CTNNA3: variants seen among roughly 807,000 people sequenced by gnomAD.
The protein encoded by CTNNA3 is catenin alpha-3.
Under a neutral mutation model 95.7 loss-of-function variants are expected in CTNNA3, and 76 were observed. That is an observed-to-expected ratio of 0.79 (90% confidence interval 0.66 to 0.96). CTNNA3 has a LOEUF of 0.96. Ranked by LOEUF, CTNNA3 falls within the 40% of genes least tolerant of loss-of-function variation. The pLI is 0.00. For synonymous variants in CTNNA3, 431 were observed against 374.4 expected, an observed-to-expected ratio of 1.15 and a Z score of -1.74; for missense variants, 1,191 against 1,089.8, an observed-to-expected ratio of 1.09 and a Z score of -1.31.
chr10:66,229,876 T>A (rs2089502762), intron 13 of CTNNA3, among the ~76,000 whole-genome samples: 1 of 152,064 alleles, frequency 6.6e-6, no homozygotes, highest in South Asian at 2.1e-4. Context: ...CTTAATAATG[T>A]CTCTTATATC....
intron 6 of CTNNA3, among the ~76,000 whole-genome samples, chr10:67,184,133 C>T (rs1052432790): frequency 7.9e-5 from 12 of 152,204 alleles, no homozygotes; most frequent in African/African-American, 2.9e-4. Context: ...TCTGCTAACG[C>T]TTTGGCCAAC....
At chr10:66,928,439 C>A in intron 7 of CTNNA3, 1 of 1,607,656 alleles carries the variant, frequency 6.2e-7, no homozygotes, top group African/African-American at 1.3e-5. Context: ...AAATCGGGCT[C>A]CAGGGAGTGT....
chr10:66,692,726 C>T (rs572329951), intron 9 of CTNNA3, among the ~76,000 whole-genome samples: 2 of 152,188 alleles, frequency 1.3e-5, no homozygotes, highest in Admixed American at 6.5e-5. Context: ...GGTCGGGTTA[C>T]CCACAAAGAG....
At chr10:67,475,885 G>A (rs1847990018) in intron 5 of CTNNA3, among the ~76,000 whole-genome samples, 2 of 152,032 alleles carry the variant, frequency 1.3e-5, no homozygotes, top group Admixed American at 1.3e-4. Flanking sequence ...TTAGAATGAG[G>A]GAACATGACA....
intron 4 of CTNNA3, among the ~76,000 whole-genome samples, chr10:67,522,892 T>C (rs1230528517): frequency 1.3e-5 from 2 of 152,132 alleles, no homozygotes; most frequent in Admixed American, 6.5e-5. Context: ...TTATTTCCCA[T>C]ATTCTCACTC....
At chr10:67,140,083 G>C (rs955585243) in intron 7 of CTNNA3, among the ~76,000 whole-genome samples, 5 of 152,120 alleles carry the variant, frequency 3.3e-5, no homozygotes, top group African/African-American at 1.2e-4. Flanking sequence ...CAGTAGGATT[G>C]ATGGGATGTT....
At chr10:66,330,890 T>C (rs1396754059) in intron 12 of CTNNA3, among the ~76,000 whole-genome samples, 5 of 152,140 alleles carry the variant, frequency 3.3e-5, no homozygotes, top group Non-Finnish European at 7.4e-5. Context: ...TGTCTGTTCA[T>C]ATCCTTTGCC....
intron 12 of CTNNA3, among the ~76,000 whole-genome samples, chr10:66,361,791 G>T (rs56158177): frequency 0.097 from 14,807 of 151,994 alleles, 951 homozygotes; most frequent in South Asian, 0.18. Context: ...TCCTTCCTCA[G>T]CCCCCCAAAG....
At chr10:66,171,278 A>C (rs1364550282) in intron 13 of CTNNA3, among the ~76,000 whole-genome samples, 3 of 151,670 alleles carry the variant, frequency 2.0e-5, no homozygotes, top group Non-Finnish European at 4.4e-5. Flanking sequence ...TTTAAAAAAA[A>C]AAATCCTAAC....
intron 5 of CTNNA3, among the ~76,000 whole-genome samples, chr10:67,308,739 T>G (rs1840661811): frequency 6.6e-6 from 1 of 152,154 alleles, no homozygotes; most frequent in African/African-American, 2.4e-5. Flanking sequence ...AAAGTTCACT[T>G]AGAGACCCAG....
intron 3 of CTNNA3, among the ~76,000 whole-genome samples, chr10:67,572,320 T>C (rs769779455): frequency 1.3e-5 from 2 of 152,182 alleles, no homozygotes; most frequent in African/African-American, 2.4e-5. Flanking sequence ...AGTATAGCTC[T>C]AACTGATCCC....
intron 2 of CTNNA3, among the ~76,000 whole-genome samples, chr10:67,623,805 C>T (rs2133417986): frequency 6.6e-6 from 1 of 151,990 alleles, no homozygotes; most frequent in Admixed American, 6.6e-5. Context: ...AATATGGTAC[C>T]CTGGTATGTT....
intron 9 of CTNNA3, among the ~76,000 whole-genome samples, chr10:66,708,254 G>A (rs1477869911): frequency 6.6e-6 from 1 of 151,428 alleles, no homozygotes; most frequent in African/African-American, 2.4e-5. Context: ...CTGACTGGAT[G>A]TAGCTTAAAC....
intron 13 of CTNNA3, among the ~76,000 whole-genome samples, chr10:66,230,637 G>A (rs1403223317): frequency 6.6e-6 from 1 of 152,112 alleles, no homozygotes; most frequent in African/African-American, 2.4e-5. Context: ...GCCTGTGGCG[G>A]TGACAGGCTC....
chr10:67,369,042 T>C (rs922475036), intron 5 of CTNNA3, among the ~76,000 whole-genome samples: 28 of 152,170 alleles, frequency 1.8e-4, no homozygotes, highest in African/African-American at 6.5e-4. Flanking sequence ...CAGGGGGATC[T>C]TTTGAGCCTA....
chr10:66,612,320 C>A (rs1013466470), intron 10 of CTNNA3, among the ~76,000 whole-genome samples: 1 of 152,074 alleles, frequency 6.6e-6, no homozygotes, highest in African/African-American at 2.4e-5. Flanking sequence ...ACAGAATTTT[C>A]AAATCAATCT....
chr10:66,515,836 C>G (rs10997213), intron 11 of CTNNA3, among the ~76,000 whole-genome samples: 21 of 152,112 alleles, frequency 1.4e-4, no homozygotes, highest in African/African-American at 3.1e-4. Context: ...TCAATTATCT[C>G]TACGGGGTCC....
chr10:67,568,526 T>C (rs1420194311), intron 3 of CTNNA3, among the ~76,000 whole-genome samples: 1 of 151,788 alleles, frequency 6.6e-6, no homozygotes, highest in Non-Finnish European at 1.5e-5. Flanking sequence ...CACACACATA[T>C]ATATATGCAT....
chr10:67,072,630 T>A (rs1048271153), intron 7 of CTNNA3, among the ~76,000 whole-genome samples: 1 of 152,144 alleles, frequency 6.6e-6, no homozygotes, highest in Admixed American at 6.6e-5. Context: ...CTTCCCCTTG[T>A]TTATCTATAC....
Sources: allele counts gnomAD v4.1 joint callset (sites outside exome capture counted in the v4.1 genomes callset), GRCh38; gene constraint gnomAD v4.1.1; transcripts MANE v1.5; gene names NCBI Gene and HGNC (gene_info 2026-07-23, HGNC 2026-07-21).